SAFB2: variants seen among roughly 807,000 people sequenced by gnomAD.
The protein encoded by SAFB2 is scaffold attachment factor B2.
In SAFB2, 32 loss-of-function variants were observed where a neutral mutation model predicts 100.6. That is an observed-to-expected ratio of 0.32 (90% confidence interval 0.24 to 0.43). SAFB2 has a LOEUF of 0.43. SAFB2 is among the 20% of genes least tolerant of loss of function. SAFB2 has a pLI of 1.00. For missense variants in SAFB2, 1,185 were observed against 1,163.4 expected (o/e 1.02, Z -0.27); for synonymous variants, 500 against 439.4 (o/e 1.14, Z -1.72).
intron 11 of SAFB2, among the ~76,000 whole-genome samples, chr19:5,604,178 A>G (rs2052722831): frequency 6.6e-6 from 1 of 152,240 alleles, no homozygotes. Flanking sequence ...TGAGAGGCCA[A>G]GGCGGGCAAA....
chr19:5,619,803 C>T (rs1412946262), intron 2 of SAFB2, among the ~76,000 whole-genome samples: 1 of 151,614 alleles, frequency 6.6e-6, no homozygotes, highest in Non-Finnish European at 1.5e-5. Context: ...CAAGACCGCA[C>T]CACTGCACTC....
intron 9 of SAFB2, among the ~76,000 whole-genome samples, chr19:5,609,300 C>CTTTTTT (rs751534976): frequency 4.2e-5 from 5 of 118,864 alleles, no homozygotes; most frequent in Non-Finnish European, 5.2e-5. Context: ...TCACTTCATT[C>CTTTTTT]TTTTTTTTTT....
chr19:5,601,065 G>A (rs543571980), intron 11 of SAFB2, among the ~76,000 whole-genome samples: 1 of 152,288 alleles, frequency 6.6e-6, no homozygotes, highest in Admixed American at 6.5e-5. Flanking sequence ...GTTCCCGGCA[G>A]AGCTCCAGCC....
intron 9 of SAFB2, among the ~76,000 whole-genome samples, chr19:5,609,246 G>C (rs809374): frequency 0.68 from 102,717 of 150,314 alleles, 35,369 homozygotes; most frequent in East Asian, 0.87. Context: ...TTCTAGTTAT[G>C]AGACTATATA....
Position 5,587,119 on chromosome 19 carries a change from A to G in SAFB2, c.*124T>C, listed in dbSNP as rs893280890. 9.6e-6 allele frequency: 12 copies of G among 1,247,818 alleles called. No individual in the cohort carries two copies. The highest frequency in any genetic ancestry group is 1.2e-5 in the Non-Finnish European group (11 of 891,842). The allele number at this position is 1,247,818 out of a possible 1,614,324, so 77.3% of individuals were successfully genotyped here. A position where few individuals can be genotyped will look rare whatever the true frequency, so the allele number is the denominator to read the frequency against. ...AAAAAAAAAAGTGAGTTCACATTGT[A>G]TTGAGCTACAACATGGTGGCAGGAT... is the stretch of plus-strand genomic sequence containing the variant. On this transcript the variant is annotated 3_prime_UTR_variant, in exon 21 of 21. Transcript: ENST00000252542. This position sits in a 1 kb window ranked among gnomAD's most constrained non-coding sequence, Gnocchi z 4.9.
chr19:5,607,297 A>C (rs569574822), intron 9 of SAFB2, among the ~76,000 whole-genome samples: 45 of 152,306 alleles, frequency 3.0e-4, no homozygotes, highest in East Asian at 9.6e-4. Context: ...ACAAAAAAAA[A>C]CACAACTGTT....
Position 5,600,140 on chromosome 19 carries a change from G to T in SAFB2, c.1680C>A (p.Val560=), listed in dbSNP as rs1387816622. 6.2e-7 allele frequency: 1 copy of T among 1,612,200 alleles called. No individual in the cohort carries two copies. Among genetic ancestry groups the T allele is most frequent in the African/African-American group, 1.3e-5 (1 of 74,738 alleles). The stretch of plus-strand genomic sequence containing the variant: ...AAAGGCTCTCCTCACCTGATTTGGT[G>T]ACTCTAGACCGATTTGTAGGTCCGG... ...LKPGPTNRSR[V]TKSGSRGMER... is the part of the protein sequence containing the mutation. Residue 560 remains valine (V), a synonymous_variant, in exon 12 of 21, where the codon GTC becomes GTA. Coordinates refer to ENST00000252542, the MANE Select transcript of SAFB2 (RefSeq NM_014649.3).
intron 15 of SAFB2, 66 bp downstream of exon 15, chr19:5,593,825 T>TGCTGGAAGGGTGAACACCGCTGCCAC: frequency 7.3e-7 from 1 of 1,371,142 alleles, no homozygotes. Flanking sequence ...GCCGCTGTTC[T>TGCTGGAAGGGTGAACACCGCTGCCAC]GCTGGAAGGG....
chr19:5,612,554 G>A lies in SAFB2; in HGVS notation c.620C>T (p.Ser207Phe). ...CTTATCAGTACCTGGCTCCAAAAGG[G>A]ATTCTTCAATGTCCTATTTAAAAAA... ...NFKVTPDIEE[S>F]LLEPENEKIL... is the part of the protein sequence containing the mutation. Residue 207 changes from serine to phenylalanine, a missense_variant, in exon 6 of 21, where the codon TCC becomes TTC. Physicochemically the swap from Ser to Phe is radical, Grantham distance 155 (BLOSUM62 -2). This residue lies in a region of SAFB2 where 351 missense variants were observed against 341.2 expected (regional missense o/e 1.03). Transcript: ENST00000252542. 1 of 1,613,434 alleles carries A rather than the reference G, an allele frequency of 6.2e-7. No individual in the cohort carries two copies. Among genetic ancestry groups the A allele is most frequent in the African/African-American group, 1.3e-5 (1 of 75,006 alleles).
chr19:5,595,039 G>A lies in SAFB2; in HGVS notation c.1919+322C>T, dbSNP rs556161420. 2.0e-5 allele frequency among the ~76,000 whole-genome samples: 3 copies of A among 152,180 alleles called. No individual in the cohort carries two copies. The South Asian group carries it at 6.2e-4, about 32-fold the overall frequency. The stretch of plus-strand genomic sequence containing the variant: ...AATTTTTAAATATTTTGTAGAGGTG[G>A]GGTCTCGCTACATTGCCTAGGATGG... On this transcript the variant is annotated intron_variant, in intron 14 of 20. Transcript: ENST00000252542.
rs77007304 is a variant in SAFB2 at position 5,599,417 on chromosome 19, G to A, written c.1691-533C>T. Among the ~76,000 whole-genome samples, 35 of 152,302 alleles carry A rather than the reference G, an allele frequency of 2.3e-4. No homozygotes were observed. In the East Asian group the frequency reaches 6.6e-3, roughly 29 times the overall value. On this transcript the variant is annotated intron_variant, in intron 12 of 20. Transcript: ENST00000252542. ...AAACCACTGGAACAATGACTTATTTGGGGAGATTTATAATACTTGAGGAAC... is the reference window on the plus strand; with the variant it reads ...AAACCACTGGAACAATGACTTATTTAGGGAGATTTATAATACTTGAGGAAC...
chr19:5,592,314 G>C (rs1283908282), intron 16 of SAFB2, among the ~76,000 whole-genome samples: 1 of 152,180 alleles, frequency 6.6e-6, no homozygotes, highest in Non-Finnish European at 1.5e-5. Flanking sequence ...TAATAAACTA[G>C]ATGTATTCCT....
intron 9 of SAFB2, among the ~76,000 whole-genome samples, chr19:5,608,314 C>T (rs1260685229): frequency 6.6e-6 from 1 of 152,200 alleles, no homozygotes; most frequent in African/African-American, 2.4e-5. Flanking sequence ...CTCATCACAA[C>T]ACATCATATG....
intron 2 of SAFB2, among the ~76,000 whole-genome samples, chr19:5,617,660 G>A (rs977261436): frequency 1.1e-4 from 17 of 152,130 alleles, no homozygotes; most frequent in Admixed American, 4.6e-4. Context: ...CTGGGGGAAC[G>A]CCATTAGCAT....
At chr19:5,589,981 C>T (rs1183342649) in intron 18 of SAFB2, among the ~76,000 whole-genome samples, 1 of 152,200 alleles carries the variant, frequency 6.6e-6, no homozygotes, top group Admixed American at 6.5e-5. Flanking sequence ...GCTGTCTCTC[C>T]CAGTGTGTAC....
chr19:5,610,441 T>C, intron 8 of SAFB2, 198 bp downstream of exon 8: 1 of 612,844 alleles, frequency 1.6e-6, no homozygotes, highest in South Asian at 2.0e-5. Context: ...ATCCCATAGA[T>C]GACAACCACA....
At chr19:5,590,444 A>G (rs752270862) in intron 17 of SAFB2, 36 bp from the exon 18 acceptor site, 4 of 1,563,540 alleles carry the variant, frequency 2.6e-6, no homozygotes, top group Non-Finnish European at 3.5e-6. Flanking sequence ...GACACTGACC[A>G]TGTCACCCAC....
Position 5,610,702 on chromosome 19 carries a change from T to C in SAFB2, c.1146-14A>G, listed in dbSNP as rs758330732. 7.9e-6 allele frequency: 12 copies of C among 1,514,576 alleles called. 2 individuals are homozygous for C. In the South Asian group the frequency reaches 1.4e-4, roughly 18 times the overall value. The allele number at this position is 1,514,576 out of a possible 1,614,324, so 93.8% of individuals were successfully genotyped here. On this transcript the variant is annotated splice_polypyrimidine_tract_variant and intron_variant, in intron 7 of 20. Transcript: ENST00000252542. Reference sequence around the variant, plus strand: ...TCCTTAAAAGAGCTAGAGACAAAAGTTAATGTTACTCATACAGGAAAAAAA... The same window carrying C: ...TCCTTAAAAGAGCTAGAGACAAAAGCTAATGTTACTCATACAGGAAAAAAA...
intron 13 of SAFB2, among the ~76,000 whole-genome samples, chr19:5,597,046 G>T (rs1275704957): frequency 6.6e-6 from 1 of 152,148 alleles, no homozygotes; most frequent in Admixed American, 6.5e-5. Flanking sequence ...GGCAAGCTTT[G>T]CCTACGAGAC....
Sources: allele counts gnomAD v4.1 joint callset (sites outside exome capture counted in the v4.1 genomes callset), GRCh38; gene constraint gnomAD v4.1.1; regional missense constraint gnomAD v4.1.1; non-coding constraint Gnocchi (gnomAD v3.1); transcripts MANE v1.5; gene names NCBI Gene and HGNC (gene_info 2026-07-23, HGNC 2026-07-21).